Variants in WNT7A observed in about 807,000 individuals in gnomAD.
WNT7A encodes the protein protein Wnt-7a.
In WNT7A, 16 loss-of-function variants were observed where a neutral mutation model predicts 28.2. The observed-to-expected ratio is 0.57, with a 90% CI of 0.38 to 0.86. The LOEUF (loss-of-function observed/expected upper bound fraction) is 0.86, where lower values mean the gene tolerates loss of function less well. Among genes scored for constraint, WNT7A ranks in the 40% least tolerant of loss-of-function variants. The pLI, the probability that WNT7A is intolerant of heterozygous loss-of-function variation, is 0.00. For synonymous variants in WNT7A, 190 were observed against 195.9 expected, an observed-to-expected ratio of 0.97 and a Z score of 0.25; for missense variants, 411 against 489.7, an observed-to-expected ratio of 0.84 and a Z score of 1.52.
At chr3:13,859,548 C>T (rs1383750909) in intron 2 of WNT7A, among the ~76,000 whole-genome samples, 1 of 152,194 alleles carries the variant, frequency 6.6e-6, no homozygotes, top group Admixed American at 6.5e-5. Context: ...ATCCATGGCC[C>T]TTATTGCTCC....
At chr3:13,819,656 G>C (rs1038526453) in intron 3 of WNT7A, among the ~76,000 whole-genome samples, 4 of 152,168 alleles carry the variant, frequency 2.6e-5, no homozygotes, top group African/African-American at 9.7e-5. Context: ...ATGTAGAAGG[G>C]GGATAACGAT....
At chr3:13,845,261 A>G (rs1016652940) in intron 3 of WNT7A, among the ~76,000 whole-genome samples, 1 of 152,138 alleles carries the variant, frequency 6.6e-6, no homozygotes, top group Non-Finnish European at 1.5e-5. Flanking sequence ...CAGGCCCCTT[A>G]GTAGTCAACG....
chr3:13,836,232 C>T (rs1694366349), intron 3 of WNT7A, among the ~76,000 whole-genome samples: 1 of 151,928 alleles, frequency 6.6e-6, no homozygotes, highest in East Asian at 1.9e-4. Flanking sequence ...ACAAGAGACC[C>T]CATTGGGCCA....
intron 2 of WNT7A, among the ~76,000 whole-genome samples, chr3:13,867,543 T>C (rs1234164719): frequency 2.0e-5 from 3 of 152,070 alleles, no homozygotes; most frequent in Non-Finnish European, 2.9e-5. Flanking sequence ...AAGGACCCAA[T>C]GAAGTGACGG....
intron 2 of WNT7A, 75 bp downstream of exon 2, chr3:13,874,872 C>T: frequency 6.7e-7 from 1 of 1,490,958 alleles, no homozygotes; most frequent in East Asian, 2.4e-5. Flanking sequence ...GAGGGAGTTC[C>T]AGAGGGCACC....
In WNT7A at chr3:13,862,839, G is replaced by A. The variant is rs113163512; in HGVS notation, c.299-8036C>T. On this transcript the variant is annotated intron_variant, in intron 2 of 3. Transcript: ENST00000285018. ...CAATGGTCAGCATCTACTCCTTCCT[G>A]GCTTCACGCCTTTGCACATGCTGTT... is the stretch of plus-strand genomic sequence containing the variant. Among the ~76,000 whole-genome samples the A allele has an allele frequency of 8.3e-3, 1,260 of 152,342 alleles. 17 individuals are homozygous for A. Among genetic ancestry groups the A allele is most frequent in the African/African-American group, 0.025 (1,035 of 41,570 alleles).
At chr3:13,827,078 T>C (rs1475391259) in intron 3 of WNT7A, among the ~76,000 whole-genome samples, 1 of 152,166 alleles carries the variant, frequency 6.6e-6, no homozygotes, top group Non-Finnish European at 1.5e-5. Flanking sequence ...TCTGCAGGCC[T>C]GACCCAGGAC....
At chr3:13,859,682 C>T (rs1400720392) in intron 2 of WNT7A, among the ~76,000 whole-genome samples, 6 of 152,194 alleles carry the variant, frequency 3.9e-5, no homozygotes, top group Non-Finnish European at 7.3e-5. Flanking sequence ...TTGCTGTGTC[C>T]TCAGGGCCTG....
chr3:13,850,735 G>A (rs927384071), intron 3 of WNT7A, among the ~76,000 whole-genome samples: 2 of 152,006 alleles, frequency 1.3e-5, no homozygotes, highest in Admixed American at 1.3e-4. Flanking sequence ...TGTACAGTAA[G>A]GACTCGAAAG....
intron 3 of WNT7A, among the ~76,000 whole-genome samples, chr3:13,820,248 T>C (rs1694085995): frequency 6.6e-6 from 1 of 152,234 alleles, no homozygotes; most frequent in South Asian, 2.1e-4. Context: ...ATTCAGACTG[T>C]CAAATTGCTT....
At chr3:13,858,113 T>G (rs1694775647) in intron 2 of WNT7A, among the ~76,000 whole-genome samples, 1 of 152,196 alleles carries the variant, frequency 6.6e-6, no homozygotes, top group Admixed American at 6.5e-5. Context: ...AGAGCTGAGC[T>G]GCAGACCCGG....
chr3:13,874,388 G>A (rs11128666), intron 2 of WNT7A, among the ~76,000 whole-genome samples: 75,618 of 151,520 alleles, frequency 0.5, 19,853 homozygotes, highest in East Asian at 0.76. Context: ...GTCTGCACAC[G>A]CCATTCCCAT....
intron 2 of WNT7A, among the ~76,000 whole-genome samples, chr3:13,869,359 GAGAA>G (rs1169026921): frequency 1.4e-5 from 2 of 144,066 alleles, no homozygotes; most frequent in East Asian, 2.1e-4. Flanking sequence ...AAGGAAAAGA[GAGAA>G]AGGAAGGAAG....
chr3:13,877,857 G>A (rs1278299795), intron 1 of WNT7A, among the ~76,000 whole-genome samples: 2 of 152,086 alleles, frequency 1.3e-5, no homozygotes, highest in Non-Finnish European at 2.9e-5. Flanking sequence ...GGAGTCACCT[G>A]AACTATCCGA....
At chr3:13,836,140 G>C (rs1164577222) in intron 3 of WNT7A, among the ~76,000 whole-genome samples, 1 of 148,528 alleles carries the variant, frequency 6.7e-6, no homozygotes, top group African/African-American at 2.5e-5. Flanking sequence ...CCTTGGACTT[G>C]TACACTCTAA....
At chr3:13,850,323 G>A (rs1187354142) in intron 3 of WNT7A, among the ~76,000 whole-genome samples, 1 of 152,222 alleles carries the variant, frequency 6.6e-6, no homozygotes, top group East Asian at 1.9e-4. Context: ...GCATAGCTGA[G>A]CAGGCCTTAT....
chr3:13,824,495 A>G (rs2124829271), intron 3 of WNT7A, among the ~76,000 whole-genome samples: 1 of 152,312 alleles, frequency 6.6e-6, no homozygotes, highest in East Asian at 1.9e-4. Context: ...TTATCCACGC[A>G]TCCATCGGTC....
intron 3 of WNT7A, among the ~76,000 whole-genome samples, chr3:13,830,269 G>T (rs1694260265): frequency 6.6e-6 from 1 of 152,144 alleles, no homozygotes; most frequent in Non-Finnish European, 1.5e-5. Context: ...GAGCTTTGCT[G>T]GATGTGGAGG....
At chr3:13,828,683 G>T (rs113615561) in intron 3 of WNT7A, among the ~76,000 whole-genome samples, 2 of 152,142 alleles carry the variant, frequency 1.3e-5, no homozygotes, top group East Asian at 3.9e-4. Context: ...CGAGACTCTG[G>T]GCTCGTTGAG....
Sources: gnomAD v4.1 joint callset for allele counts (sites outside exome capture counted in the v4.1 genomes callset) on GRCh38, gnomAD v4.1.1 for gene constraint, MANE v1.5 for transcripts, NCBI Gene and HGNC (gene_info 2026-07-23, HGNC 2026-07-21) for gene names.